The following DACH1 variants were observed in gnomAD, a reference collection of about 807,000 sequenced individuals.
DACH1 encodes dachshund homolog 1.
A neutral mutation model predicts 54.2 loss-of-function variants in DACH1; 12 were observed. The ratio of observed to expected loss-of-function variants is 0.22; its 90% CI spans 0.14 to 0.36. The LOEUF (loss-of-function observed/expected upper bound fraction) is 0.36, where lower values mean the gene tolerates loss of function less well. Ranked by LOEUF, DACH1 falls within the 10% of genes least tolerant of loss-of-function variation. The pLI is 1.00. For missense variants in DACH1, 805 were observed against 929.8 expected (o/e 0.87, Z 1.75); for synonymous variants, 386 against 366.2 (o/e 1.05, Z -0.62).
chr13:71,749,236 G>T (rs902182763), intron 1 of DACH1, among the ~76,000 whole-genome samples: 1 of 151,852 alleles, frequency 6.6e-6, no homozygotes, highest in Non-Finnish European at 1.5e-5. Flanking sequence ...CACCGCCTCG[G>T]CCTCCCAAAG....
intron 3 of DACH1, among the ~76,000 whole-genome samples, chr13:71,598,675 C>T (rs1874284980): frequency 6.6e-6 from 1 of 152,166 alleles, no homozygotes; most frequent in Non-Finnish European, 1.5e-5. Flanking sequence ...ATTGAGTTGC[C>T]AGTACTCAAA....
At chr13:71,616,143 A>G (rs796534517) in intron 3 of DACH1, among the ~76,000 whole-genome samples, 2 of 152,110 alleles carry the variant, frequency 1.3e-5, no homozygotes, top group African/African-American at 4.8e-5. Flanking sequence ...AACCACAAAC[A>G]TTCTGTTGTT....
chr13:71,513,740 T>C (rs1037777868), intron 6 of DACH1, among the ~76,000 whole-genome samples: 2 of 152,096 alleles, frequency 1.3e-5, no homozygotes, highest in African/African-American at 4.8e-5. Flanking sequence ...GTATTATTTA[T>C]GTGGTTTTTA....
chr13:71,543,092 C>T (rs1883239746), intron 6 of DACH1, among the ~76,000 whole-genome samples: 1 of 152,078 alleles, frequency 6.6e-6, no homozygotes, highest in East Asian at 1.9e-4. Context: ...TCACCCACTG[C>T]CTAAGTTTGA....
chr13:71,520,578 A>T (rs900229677), intron 6 of DACH1, among the ~76,000 whole-genome samples: 5 of 151,686 alleles, frequency 3.3e-5, no homozygotes, highest in Admixed American at 6.6e-5. Context: ...GATTACAATC[A>T]AAATAAATAG....
intron 10 of DACH1, among the ~76,000 whole-genome samples, chr13:71,453,609 G>T (rs891835291): frequency 6.6e-6 from 1 of 152,050 alleles, no homozygotes; most frequent in East Asian, 1.9e-4. Context: ...GCTTTTAAAA[G>T]TTCAGCATTT....
chr13:71,548,858 G>T (rs1231956309), intron 6 of DACH1, among the ~76,000 whole-genome samples: 1 of 152,016 alleles, frequency 6.6e-6, no homozygotes, highest in Non-Finnish European at 1.5e-5. Flanking sequence ...GGAGGTTGAA[G>T]TGAACCATGT....
chr13:71,504,551 G>T (rs1880163607), intron 6 of DACH1, among the ~76,000 whole-genome samples: 1 of 152,150 alleles, frequency 6.6e-6, no homozygotes, highest in Admixed American at 6.6e-5. Flanking sequence ...AGATCGCTAA[G>T]GGGAGAGAGG....
intron 1 of DACH1, among the ~76,000 whole-genome samples, chr13:71,758,332 C>G (rs141586886): frequency 1.3e-4 from 20 of 152,162 alleles, no homozygotes; most frequent in African/African-American, 4.8e-4. Flanking sequence ...AGCTACTGAT[C>G]CTATAAAAAG....
At chr13:71,686,646 C>A (rs1881180796) in intron 1 of DACH1, among the ~76,000 whole-genome samples, 2 of 152,174 alleles carry the variant, frequency 1.3e-5, no homozygotes, top group Non-Finnish European at 2.9e-5. Context: ...TGGACATCAT[C>A]TTTTGTTAAT....
chr13:71,830,775 G>T (rs1888554676), intron 1 of DACH1, among the ~76,000 whole-genome samples: 1 of 151,808 alleles, frequency 6.6e-6, no homozygotes, highest in Non-Finnish European at 1.5e-5. Context: ...AAAAAAGGAA[G>T]AGCTGCCAAT....
intron 1 of DACH1, among the ~76,000 whole-genome samples, chr13:71,799,063 C>G (rs773992320): frequency 6.6e-6 from 1 of 151,972 alleles, no homozygotes; most frequent in Non-Finnish European, 1.5e-5. Context: ...AAAGTTTCCC[C>G]CCTTCCTTTA....
intron 6 of DACH1, among the ~76,000 whole-genome samples, chr13:71,492,656 A>G (rs1287954507): frequency 6.6e-6 from 1 of 151,530 alleles, no homozygotes; most frequent in East Asian, 1.9e-4. Flanking sequence ...ATAAAACTCC[A>G]GTTCACCAAT....
At chr13:71,858,485 AT>A (rs35066776) in intron 1 of DACH1, among the ~76,000 whole-genome samples, 1 of 150,640 alleles carries the variant, frequency 6.6e-6, no homozygotes. Context: ...GTATATCCAT[AT>A]TTTTTTTGTC....
intron 2 of DACH1, among the ~76,000 whole-genome samples, chr13:71,647,933 T>C (rs1177400079): frequency 6.6e-6 from 1 of 152,242 alleles, no homozygotes. Context: ...AATATCATTG[T>C]TGTTTTCAAG....
At chr13:71,626,968 A>G (rs1876689927) in intron 3 of DACH1, among the ~76,000 whole-genome samples, 3 of 151,874 alleles carry the variant, frequency 2.0e-5, no homozygotes, top group Non-Finnish European at 4.4e-5. Context: ...AAAGAATCCA[A>G]TTGATTGTGG....
chr13:71,642,971 G>C (rs1158907247), intron 2 of DACH1, among the ~76,000 whole-genome samples: 1 of 151,982 alleles, frequency 6.6e-6, no homozygotes, highest in East Asian at 1.9e-4. Context: ...GTTGCAGTGA[G>C]CAGAGATCGC....
At chr13:71,729,205 CATTT>C (rs1883622611) in intron 1 of DACH1, among the ~76,000 whole-genome samples, 1 of 151,954 alleles carries the variant, frequency 6.6e-6, no homozygotes, top group Non-Finnish European at 1.5e-5. Flanking sequence ...CCAGAGTGCA[CATTT>C]ATTTTGAATA....
At chr13:71,824,380 G>A (rs558646358) in intron 1 of DACH1, among the ~76,000 whole-genome samples, 1 of 152,050 alleles carries the variant, frequency 6.6e-6, no homozygotes, top group Admixed American at 6.6e-5. Context: ...GGAAGAGATG[G>A]AGAGGAACTT....
Sources: gnomAD v4.1 joint callset for allele counts (sites outside exome capture counted in the v4.1 genomes callset) on GRCh38, gnomAD v4.1.1 for gene constraint, MANE v1.5 for transcripts, NCBI Gene and HGNC (gene_info 2026-07-23, HGNC 2026-07-21) for gene names.